Variants in MAP2K1 observed in about 807,000 individuals in gnomAD.
MAP2K1 encodes dual specificity mitogen-activated protein kinase kinase 1.
A neutral mutation model predicts 46.3 loss-of-function variants in MAP2K1; 16 were observed. The ratio of observed to expected loss-of-function variants is 0.35; its 90% CI spans 0.23 to 0.52. The LOEUF is 0.52. MAP2K1 is among the 20% of genes least tolerant of loss of function. The probability of loss-of-function intolerance (pLI) is 0.94; values close to 1 mark genes in which losing one functional copy is unlikely to be tolerated. For synonymous variants in MAP2K1, 183 were observed against 185.6 expected (o/e 0.99, Z 0.11); for missense variants, 263 against 497.1 (o/e 0.53, Z 4.48).
At chr15:66,404,759 G>T (rs2093391994) in intron 1 of MAP2K1, among the ~76,000 whole-genome samples, 1 of 152,182 alleles carries the variant, frequency 6.6e-6, no homozygotes, top group African/African-American at 2.4e-5. Context: ...AGGAGGGTGA[G>T]AGCTGGAGGG....
rs781412352 is a variant in MAP2K1 at position 66,490,490 on chromosome 15, C to A, written c.1069-12C>A. 2.1e-5 allele frequency: 34 copies of A among 1,584,148 alleles called. 1 individual carries two copies. In the South Asian group the frequency reaches 3.2e-4, roughly 15 times the overall value. On this transcript the variant is annotated splice_polypyrimidine_tract_variant and intron_variant, in intron 10 of 10. Transcript: ENST00000307102. Reference sequence around the variant, plus strand: ...TTTTTAACACCACGTCCTCTCGTTTCCTTACATGCAGGTTCATGCTTTTAT... The same window carrying A: ...TTTTTAACACCACGTCCTCTCGTTTACTTACATGCAGGTTCATGCTTTTAT...
At chr15:66,437,744 A>G (rs905584403) in intron 3 of MAP2K1, among the ~76,000 whole-genome samples, 3 of 152,246 alleles carry the variant, frequency 2.0e-5, no homozygotes, top group African/African-American at 4.8e-5. Flanking sequence ...CTTCATTGTA[A>G]TGATCACGAA....
At position 66,428,177 on chromosome 15, in the gene MAP2K1, C is replaced by G. The variant is rs538473878; in HGVS notation, c.81-6850C>G. On this transcript the variant is annotated intron_variant, in intron 1 of 10. Transcript: ENST00000307102. ...AACCGAACACACCATATAACCAGCC[C>G]TCAGATCAAGAACAGGGCATTACTA... is the stretch of plus-strand genomic sequence containing the variant. Among the ~76,000 whole-genome samples, 3 of 152,108 alleles carry G rather than the reference C, an allele frequency of 2.0e-5. No homozygotes were observed. In the South Asian group the frequency reaches 6.2e-4, roughly 32 times the overall value.
intron 1 of MAP2K1, among the ~76,000 whole-genome samples, chr15:66,404,567 A>AT (rs1566997348): frequency 1.3e-5 from 2 of 152,166 alleles, no homozygotes; most frequent in South Asian, 4.1e-4. Context: ...TCACTGAATA[A>AT]TTTTTTAAAA....
At chr15:66,474,421 C>T (rs771925980) in intron 5 of MAP2K1, among the ~76,000 whole-genome samples, 3 of 152,142 alleles carry the variant, frequency 2.0e-5, no homozygotes, top group African/African-American at 4.8e-5. Context: ...CGTGCTCACT[C>T]GCTAAACTGG....
At position 66,435,211 on chromosome 15, in the gene MAP2K1, C is replaced by A. The variant is rs1265809314; in HGVS notation, c.265C>A (p.Pro89Thr). The A allele has an allele frequency of 6.2e-7, 1 of 1,614,122 alleles. No homozygotes were observed. The highest frequency in any genetic ancestry group is 8.5e-7 in the Non-Finnish European group (1 of 1,180,000). ...GGVVFKVSHKPSGLVMARKLI... is the reference protein window; with the variant it reads ...GGVVFKVSHKTSGLVMARKLI... ...TGTGGTGTTCAAGGTCTCCCACAAG[C>A]CTTCTGGCCTGGTCATGGCCAGAAA... The change falls in exon 2 of 11, where the codon CCT (proline) becomes ACT (threonine). Residue 89 changes from proline to threonine, a missense_variant. Physicochemically the swap from Pro to Thr is conservative, Grantham distance 38. Coordinates refer to ENST00000307102, the MANE Select transcript of MAP2K1 (RefSeq NM_002755.4).
At chr15:66,421,600 G>A (rs1484718437) in intron 1 of MAP2K1, among the ~76,000 whole-genome samples, 1 of 151,536 alleles carries the variant, frequency 6.6e-6, no homozygotes, top group Non-Finnish European at 1.5e-5. Context: ...CAGGAATTGG[G>A]GACGAGCCTA....
intron 5 of MAP2K1, among the ~76,000 whole-genome samples, chr15:66,445,695 A>G (rs932342446): frequency 1.5e-4 from 23 of 152,244 alleles, no homozygotes; most frequent in African/African-American, 5.3e-4. Flanking sequence ...AGGAACATTT[A>G]TGCTGAGTGA....
At chr15:66,485,263 G>A (rs1893010480) in intron 7 of MAP2K1, 72 bp downstream of exon 7, 5 of 1,386,256 alleles carry the variant, frequency 3.6e-6, no homozygotes, top group Non-Finnish European at 5.0e-6. Context: ...GGTTTCTGGA[G>A]GGCTGATTCT....
chr15:66,464,518 C>A (rs1298099134), intron 5 of MAP2K1, among the ~76,000 whole-genome samples: 3 of 151,340 alleles, frequency 2.0e-5, no homozygotes, highest in Non-Finnish European at 4.4e-5. Context: ...AAATTGAAAA[C>A]ATTGTTTTTT....
At chr15:66,478,818 G>A (rs1892845240) in intron 5 of MAP2K1, among the ~76,000 whole-genome samples, 1 of 152,020 alleles carries the variant, frequency 6.6e-6, no homozygotes, top group African/African-American at 2.4e-5. Flanking sequence ...ACCACCTAAT[G>A]TTACATATTT....
intron 1 of MAP2K1, among the ~76,000 whole-genome samples, chr15:66,393,027 A>C (rs2093360242): frequency 6.6e-6 from 1 of 152,018 alleles, no homozygotes; most frequent in Non-Finnish European, 1.5e-5. Context: ...TTGCTGCCTC[A>C]AACAGTCATG....
chr15:66,481,894 T>C lies in MAP2K1; in HGVS notation c.693+15T>C. 1.2e-6 allele frequency: 2 copies of C among 1,612,574 alleles called. No individual in the cohort carries two copies. The highest frequency in any genetic ancestry group is 1.7e-6 in the Non-Finnish European group (2 of 1,179,018). On this transcript the variant is annotated intron_variant, in intron 6 of 10. Transcript: ENST00000307102. ...CCTACATGTCGGTATGAACAGAAGT[T>C]TCCATTGCTTGAGCTTCTTGTACGG...
intron 10 of MAP2K1, 72 bp downstream of exon 10, chr15:66,489,835 A>G: frequency 3.1e-6 from 4 of 1,289,470 alleles, no homozygotes; most frequent in Admixed American, 1.7e-5. Context: ...TCATCTGTGC[A>G]GTACTTCCAG....
intron 5 of MAP2K1, among the ~76,000 whole-genome samples, chr15:66,462,791 A>G (rs1415219043): frequency 2.6e-5 from 4 of 152,136 alleles, no homozygotes; most frequent in Non-Finnish European, 5.9e-5. Flanking sequence ...CATAACAGAA[A>G]CCAACTTGAG....
At chr15:66,406,055 A>C (rs1415829585) in intron 1 of MAP2K1, among the ~76,000 whole-genome samples, 29 of 152,250 alleles carry the variant, frequency 1.9e-4, no homozygotes, top group Non-Finnish European at 7.3e-5. Context: ...CCAAAATTAC[A>C]ACAATAGATT....
At chr15:66,394,846 G>A (rs2093363968) in intron 1 of MAP2K1, among the ~76,000 whole-genome samples, 1 of 152,130 alleles carries the variant, frequency 6.6e-6, no homozygotes, top group Admixed American at 6.5e-5. Context: ...ACTAATACTG[G>A]TGCTGTCTTT....
At chr15:66,462,621 A>G (rs1892355417) in intron 5 of MAP2K1, among the ~76,000 whole-genome samples, 1 of 151,022 alleles carries the variant, frequency 6.6e-6, no homozygotes, top group South Asian at 2.1e-4. Context: ...AAAATTGGCT[A>G]AAAGAAAATA....
chr15:66,456,006 A>G (rs757115502), intron 5 of MAP2K1, among the ~76,000 whole-genome samples: 5 of 152,088 alleles, frequency 3.3e-5, no homozygotes, highest in Non-Finnish European at 7.4e-5. Flanking sequence ...TTTCTCTAAA[A>G]TCTCTGGGTG....
Sources: allele counts gnomAD v4.1 joint callset (sites outside exome capture counted in the v4.1 genomes callset), GRCh38; gene constraint gnomAD v4.1.1; transcripts MANE v1.5; gene names NCBI Gene and HGNC (gene_info 2026-07-23, HGNC 2026-07-21).